Variants in ALK observed in about 807,000 individuals in gnomAD.
ALK encodes the protein ALK tyrosine kinase receptor.
In ALK, 74 loss-of-function variants were observed where a neutral mutation model predicts 163.1. The ratio of observed to expected loss-of-function variants is 0.45; its 90% CI spans 0.38 to 0.55. The LOEUF is 0.55. ALK is among the 20% of genes least tolerant of loss of function. The pLI is 0.00. For missense variants in ALK, 2,063 were observed against 2,105.3 expected (o/e 0.98, Z 0.39); for synonymous variants, 960 against 843.2 (o/e 1.14, Z -2.40).
intron 2 of ALK, among the ~76,000 whole-genome samples, chr2:29,695,242 G>A (rs1242912909): frequency 6.6e-6 from 1 of 152,164 alleles, no homozygotes; most frequent in Non-Finnish European, 1.5e-5. Context: ...CTCAGAGAAG[G>A]CAGGTAAAAA....
chr2:29,840,382 A>G (rs1056570833), intron 1 of ALK, among the ~76,000 whole-genome samples: 1 of 152,242 alleles, frequency 6.6e-6, no homozygotes, highest in Non-Finnish European at 1.5e-5. Context: ...GTGGATTCCT[A>G]GAACTTCAAG....
chr2:29,250,961 C>T (rs1423584910), intron 12 of ALK, 144 bp downstream of exon 12: 1 of 755,462 alleles, frequency 1.3e-6, no homozygotes, highest in African/African-American at 1.8e-5. Flanking sequence ...CCATCTCCAA[C>T]CTTTATACCC....
chr2:29,622,619 C>T (rs1240447503), intron 3 of ALK, among the ~76,000 whole-genome samples: 2 of 152,168 alleles, frequency 1.3e-5, no homozygotes, highest in African/African-American at 4.8e-5. Context: ...TAACTTTACA[C>T]AGAACCCAGC....
chr2:29,607,915 T>A (rs1398517466), intron 3 of ALK, among the ~76,000 whole-genome samples: 1 of 152,052 alleles, frequency 6.6e-6, no homozygotes, highest in Non-Finnish European at 1.5e-5. Flanking sequence ...TAGTAAGTCT[T>A]ATAAAAATAA....
intron 1 of ALK, among the ~76,000 whole-genome samples, chr2:29,888,254 T>TTG (rs1558534561): frequency 4.7e-5 from 7 of 148,546 alleles, no homozygotes; most frequent in African/African-American, 1.8e-4. Flanking sequence ...TTGTTTTTTT[T>TTG]TTTTTTTAAA....
intron 3 of ALK, among the ~76,000 whole-genome samples, chr2:29,564,091 A>T (rs1037962960): frequency 2.6e-5 from 4 of 151,960 alleles, no homozygotes; most frequent in African/African-American, 9.7e-5. Flanking sequence ...TATTATGGGG[A>T]CATCTTCCAT....
chr2:29,318,372 G>C lies in ALK; in HGVS notation c.1579C>G (p.Pro527Ala), dbSNP rs748501104. The C allele has an allele frequency of 6.2e-7, 1 of 1,613,864 alleles. No homozygotes were observed. Among genetic ancestry groups the C allele is most frequent in the Non-Finnish European group, 8.5e-7 (1 of 1,179,802 alleles). ...HALLLSTTDV[P>A]ASESATVTSA... ...GTCACTGTAGCACTTTCAGAAGCGG[G>C]GACATCAGTGGTACTGAGCAATAGA... The change falls in exon 8 of 29, where the codon CCC (proline) becomes GCC (alanine). Residue 527 changes from proline (P) to alanine (A), a missense_variant. By Grantham distance (27) the Pro-to-Ala change is conservative (BLOSUM62 -1). Transcript: ENST00000389048.
intron 5 of ALK, among the ~76,000 whole-genome samples, chr2:29,332,946 A>G (rs1381514922): frequency 1.3e-5 from 2 of 152,238 alleles, no homozygotes; most frequent in African/African-American, 4.8e-5. Context: ...ATTGCTTTCT[A>G]GAAGTTAATC....
At chr2:29,613,292 A>G (rs369114013) in intron 3 of ALK, among the ~76,000 whole-genome samples, 3 of 152,186 alleles carry the variant, frequency 2.0e-5, no homozygotes, top group South Asian at 2.1e-4. Flanking sequence ...GATGACTGGC[A>G]TTTCTCATTC....
intron 1 of ALK, among the ~76,000 whole-genome samples, chr2:29,881,190 A>G (rs1382092471): frequency 6.6e-6 from 1 of 152,166 alleles, no homozygotes; most frequent in Non-Finnish European, 1.5e-5. Flanking sequence ...CTTTGCCCTC[A>G]TTTCCAATCC....
At chr2:29,858,461 G>A (rs550993986) in intron 1 of ALK, among the ~76,000 whole-genome samples, 97 of 151,966 alleles carry the variant, frequency 6.4e-4, no homozygotes, top group African/African-American at 2.1e-3. Flanking sequence ...GGCCGGGTGC[G>A]GTGGCTCATG....
At chr2:29,527,498 G>C (rs1270473789) in intron 4 of ALK, among the ~76,000 whole-genome samples, 1 of 151,976 alleles carries the variant, frequency 6.6e-6, no homozygotes, top group African/African-American at 2.4e-5. Flanking sequence ...CCACGAGCAG[G>C]CAGTTTTGTT....
intron 11 of ALK, among the ~76,000 whole-genome samples, chr2:29,271,652 C>A (rs1665389093): frequency 6.6e-6 from 1 of 152,232 alleles, no homozygotes; most frequent in Non-Finnish European, 1.5e-5. Flanking sequence ...GATGGGAGGA[C>A]CTGCAGAGGC....
At chr2:29,457,207 A>G (rs1670977771) in intron 4 of ALK, among the ~76,000 whole-genome samples, 1 of 152,020 alleles carries the variant, frequency 6.6e-6, no homozygotes. Flanking sequence ...GCCAGCTAAC[A>G]CTTCAGCATT....
At chr2:29,328,610 G>A (rs1558675909) in intron 5 of ALK, 129 bp from the exon 6 acceptor site, 1 of 1,262,410 alleles carries the variant, frequency 7.9e-7, no homozygotes, top group East Asian at 2.5e-5. Flanking sequence ...ACACTCCAAG[G>A]CCTGATTGAG....
At position 29,855,421 on chromosome 2, in the gene ALK, C is replaced by A. The variant is rs374371476; in HGVS notation, c.667+64572G>T. On this transcript the variant is annotated intron_variant, in intron 1 of 28. Transcript: ENST00000389048. ...CCATGCTCATTTCTTGGGGGTGACA[C>A]AGGAACAGTTAGCCCCTTCTTCCTT... 7.2e-5 allele frequency among the ~76,000 whole-genome samples: 11 copies of A among 152,214 alleles called. No individual in the cohort carries two copies. The East Asian group carries it at 2.1e-3, about 29-fold the overall frequency.
At chr2:29,861,099 G>A (rs571393940) in intron 1 of ALK, among the ~76,000 whole-genome samples, 7 of 152,276 alleles carry the variant, frequency 4.6e-5, no homozygotes, top group South Asian at 4.1e-4. Context: ...TCGAGCCCAC[G>A]AGGTCAAGGC....
At chr2:29,328,224 G>T in intron 6 of ALK, 126 bp downstream of exon 6, 1 of 1,365,728 alleles carries the variant, frequency 7.3e-7, no homozygotes, top group Non-Finnish European at 1.0e-6. Context: ...TTTGCCATGA[G>T]AGGAGTCACA....
intron 24 of ALK, among the ~76,000 whole-genome samples, chr2:29,213,041 T>TA (rs1669505899): frequency 6.6e-6 from 1 of 152,250 alleles, no homozygotes; most frequent in South Asian, 2.1e-4. Flanking sequence ...CTTTTGTACT[T>TA]ACATATTTTA....
Sources: allele counts gnomAD v4.1 joint callset (sites outside exome capture counted in the v4.1 genomes callset), GRCh38; gene constraint gnomAD v4.1.1; transcripts MANE v1.5; gene names NCBI Gene and HGNC (gene_info 2026-07-23, HGNC 2026-07-21).